The following FSTL5 variants were observed in gnomAD, a reference collection of about 807,000 sequenced individuals.
The protein encoded by FSTL5 is follistatin-related protein 5.
Under a neutral mutation model 89.1 loss-of-function variants are expected in FSTL5, and 62 were observed. The observed-to-expected ratio is 0.70, with a 90% CI of 0.57 to 0.86. FSTL5 has a LOEUF of 0.86. Ranked by LOEUF, FSTL5 falls within the 40% of genes least tolerant of loss-of-function variation. The pLI is 0.00. For synonymous variants in FSTL5, 383 were observed against 346.2 expected, an observed-to-expected ratio of 1.11 and a Z score of -1.18; for missense variants, 1,057 against 1,001.6, an observed-to-expected ratio of 1.06 and a Z score of -0.75.
At position 161,892,801 on chromosome 4, in the gene FSTL5, T is replaced by C. The variant is rs147428200; in HGVS notation, c.409+27603A>G. On this transcript the variant is annotated intron_variant, in intron 4 of 15. Coordinates refer to ENST00000306100, the MANE Select transcript of FSTL5 (RefSeq NM_020116.5). ...TAGCAAGTGAATGTTCTTCAGGTTC[T>C]ATTTTGAAAGAAATGTCAGAAATTG... 1.2e-4 allele frequency among the ~76,000 whole-genome samples: 18 copies of C among 152,276 alleles called. No individual in the cohort carries two copies. In the East Asian group the frequency reaches 2.9e-3, roughly 24 times the overall value.
At chr4:161,912,051 G>A (rs1018039575) in intron 4 of FSTL5, among the ~76,000 whole-genome samples, 1 of 152,100 alleles carries the variant, frequency 6.6e-6, no homozygotes, top group South Asian at 2.1e-4. Context: ...CAGACTAATA[G>A]AGAACAATTT....
rs1489871110 is a variant in FSTL5 at position 161,975,901 on chromosome 4, G to A, written c.161-55249C>T. 2.0e-5 allele frequency among the ~76,000 whole-genome samples: 3 copies of A among 151,080 alleles called. No homozygotes were observed. The South Asian group carries it at 6.3e-4, about 31-fold the overall frequency. On this transcript the variant is annotated intron_variant, in intron 3 of 15. Transcript: ENST00000306100. The stretch of plus-strand genomic sequence containing the variant: ...GAGGCCGAGGCGGGCGGATCACGAG[G>A]CCAGGAGACCGAGACCATCCTGGCT...
At chr4:161,627,294 C>T (rs1735347017) in intron 7 of FSTL5, among the ~76,000 whole-genome samples, 1 of 152,152 alleles carries the variant, frequency 6.6e-6, no homozygotes, top group Non-Finnish European at 1.5e-5. Context: ...CAAGATCCTC[C>T]ACTAGCAAAA....
At chr4:161,817,151 C>T (rs1346634651) in intron 4 of FSTL5, among the ~76,000 whole-genome samples, 1 of 152,182 alleles carries the variant, frequency 6.6e-6, no homozygotes, top group African/African-American at 2.4e-5. Context: ...TGTAAGAAGA[C>T]AGGCCAAAAT....
intron 1 of FSTL5, among the ~76,000 whole-genome samples, chr4:162,148,563 G>A (rs2111504076): frequency 6.6e-6 from 1 of 152,172 alleles, no homozygotes; most frequent in African/African-American, 2.4e-5. Flanking sequence ...TTTTAAAGAT[G>A]ATGTATATAT....
At chr4:161,506,839 T>A (rs753246876) in intron 11 of FSTL5, among the ~76,000 whole-genome samples, 1 of 152,182 alleles carries the variant, frequency 6.6e-6, no homozygotes, top group Admixed American at 6.5e-5. Flanking sequence ...TACATTTCTA[T>A]TTGTAATTTT....
At chr4:162,010,165 A>G (rs994112984) in intron 3 of FSTL5, among the ~76,000 whole-genome samples, 1 of 152,058 alleles carries the variant, frequency 6.6e-6, no homozygotes, top group Non-Finnish European at 1.5e-5. Context: ...TTTCAAAACA[A>G]CAAGGTTGTA....
At chr4:161,777,444 T>C (rs1331251360) in intron 4 of FSTL5, among the ~76,000 whole-genome samples, 3 of 151,990 alleles carry the variant, frequency 2.0e-5, no homozygotes, top group Admixed American at 2.0e-4. Context: ...CTGGTGGGAA[T>C]GTAAATTAGT....
chr4:161,786,504 A>G (rs1426513026), intron 4 of FSTL5, among the ~76,000 whole-genome samples: 4 of 152,096 alleles, frequency 2.6e-5, no homozygotes, highest in African/African-American at 7.2e-5. Flanking sequence ...TAAGAGTCCT[A>G]TGAGAGTTCT....
chr4:161,854,915 C>A (rs1270164384), intron 4 of FSTL5, among the ~76,000 whole-genome samples: 1 of 151,540 alleles, frequency 6.6e-6, no homozygotes, highest in African/African-American at 2.4e-5. Flanking sequence ...TAAATATAAA[C>A]CTAATCATAA....
intron 7 of FSTL5, among the ~76,000 whole-genome samples, chr4:161,619,795 C>T (rs1237699037): frequency 2.3e-4 from 35 of 152,064 alleles, no homozygotes; most frequent in African/African-American, 4.3e-4. Flanking sequence ...TCCTCAGGGA[C>T]CTAGAACTAG....
intron 1 of FSTL5, among the ~76,000 whole-genome samples, chr4:162,120,010 A>G: frequency 6.6e-6 from 1 of 152,264 alleles, no homozygotes; most frequent in South Asian, 2.1e-4. Flanking sequence ...TAATAAATAA[A>G]AAGAATTAAG....
chr4:161,570,191 G>A (rs1732958566), intron 8 of FSTL5, among the ~76,000 whole-genome samples: 1 of 152,164 alleles, frequency 6.6e-6, no homozygotes, highest in Admixed American at 6.6e-5. Flanking sequence ...AGAAGACTGG[G>A]CAGGACAGTG....
At chr4:161,570,621 ATAAT>A (rs942549259) in intron 8 of FSTL5, among the ~76,000 whole-genome samples, 4 of 152,210 alleles carry the variant, frequency 2.6e-5, no homozygotes, top group African/African-American at 9.6e-5. Context: ...AAAAATAAAA[ATAAT>A]TAAGAAAAAT....
intron 2 of FSTL5, among the ~76,000 whole-genome samples, chr4:162,087,084 T>G (rs1730351144): frequency 6.6e-6 from 1 of 152,120 alleles, no homozygotes. Context: ...AAAATGCAGC[T>G]ACTGAGAGAG....
At chr4:161,915,236 T>G in intron 4 of FSTL5, among the ~76,000 whole-genome samples, 1 of 152,238 alleles carries the variant, frequency 6.6e-6, no homozygotes, top group Middle Eastern at 3.4e-3. Flanking sequence ...AATACTCAAT[T>G]TGTTATTATT....
intron 1 of FSTL5, among the ~76,000 whole-genome samples, chr4:162,113,679 G>T (rs1731531631): frequency 6.6e-6 from 1 of 151,912 alleles, no homozygotes; most frequent in African/African-American, 2.4e-5. Context: ...AACTTATTTT[G>T]CCTGTCTCTG....
intron 7 of FSTL5, among the ~76,000 whole-genome samples, chr4:161,614,887 G>T (rs1291036582): frequency 6.6e-6 from 1 of 152,018 alleles, no homozygotes; most frequent in Non-Finnish European, 1.5e-5. Context: ...ATATATGAAC[G>T]CTTAATTATC....
At chr4:161,897,516 G>A (rs527593101) in intron 4 of FSTL5, among the ~76,000 whole-genome samples, 48 of 148,304 alleles carry the variant, frequency 3.2e-4, no homozygotes, top group East Asian at 3.2e-3. Flanking sequence ...CGGAGGTCAC[G>A]GTGAGCCAAG....
Sources: allele counts gnomAD v4.1 joint callset (sites outside exome capture counted in the v4.1 genomes callset), GRCh38; gene constraint gnomAD v4.1.1; transcripts MANE v1.5; gene names NCBI Gene and HGNC (gene_info 2026-07-23, HGNC 2026-07-21).